The following PATJ variants were observed in gnomAD, a reference collection of about 807,000 sequenced individuals.
PATJ encodes PATJ crumbs cell polarity complex component, also known as inaD-like protein.
In PATJ, 190 loss-of-function variants were observed where a neutral mutation model predicts 224.9. The ratio of observed to expected loss-of-function variants is 0.84; its 90% CI spans 0.75 to 0.95. PATJ has a LOEUF of 0.95. PATJ is among the 40% of genes least tolerant of loss of function. The pLI is 0.00. For synonymous variants in PATJ, 769 were observed against 820.3 expected, an observed-to-expected ratio of 0.94 and a Z score of 1.07; for missense variants, 2,121 against 2,270.3, an observed-to-expected ratio of 0.93 and a Z score of 1.34.
At chr1:62,062,392 C>CTTTTTTTTTT (rs60747316) in intron 31 of PATJ, among the ~76,000 whole-genome samples, 352 of 28,468 alleles carry the variant, frequency 0.012, 9 homozygotes, top group Middle Eastern at 0.05. Flanking sequence ...ATGTTGTCTT[C>CTTTTTTTTTT]TTTTTTTTTT....
chr1:61,980,080 C>A (rs1481834132), intron 27 of PATJ, among the ~76,000 whole-genome samples: 1 of 151,862 alleles, frequency 6.6e-6, no homozygotes, highest in Non-Finnish European at 1.5e-5. Context: ...TTCTCAAATG[C>A]GAAGATGCCA....
intron 8 of PATJ, 128 bp from the exon 9 acceptor site, chr1:61,791,220 T>C (rs1427703480): frequency 1.1e-5 from 6 of 552,584 alleles, no homozygotes; most frequent in Admixed American, 3.2e-5. Context: ...TTGAAGGTCA[T>C]GGGACCATCT....
intron 37 of PATJ, among the ~76,000 whole-genome samples, chr1:62,119,253 C>T (rs1354815391): frequency 1.3e-5 from 2 of 152,098 alleles, no homozygotes; most frequent in African/African-American, 2.4e-5. Flanking sequence ...GGCTGGTAGC[C>T]GACTGTGAAA....
At chr1:61,913,390 T>C (rs375988476) in intron 25 of PATJ, among the ~76,000 whole-genome samples, 1 of 152,208 alleles carries the variant, frequency 6.6e-6, no homozygotes, top group African/African-American at 2.4e-5. Context: ...TAAATTTTTG[T>C]AGAGATGGAG....
At chr1:61,822,429 G>GAAAA (rs11427840) in intron 14 of PATJ, among the ~76,000 whole-genome samples, 6 of 116,596 alleles carry the variant, frequency 5.1e-5, no homozygotes, top group Admixed American at 2.8e-4. Context: ...GACTGTGTCA[G>GAAAA]AAAAAAAAAA....
chr1:61,914,488 G>GA (rs1465665819), intron 25 of PATJ, 99 bp from the exon 26 acceptor site: 50 of 568,516 alleles, frequency 8.8e-5, no homozygotes, highest in Admixed American at 5.0e-4. Flanking sequence ...TGTAATGATT[G>GA]AAAAAAAATT....
chr1:62,046,200 G>A (rs1349167194), intron 30 of PATJ, among the ~76,000 whole-genome samples: 2 of 96,984 alleles, frequency 2.1e-5, no homozygotes, highest in Non-Finnish European at 3.7e-5. Flanking sequence ...AGATGGTGAA[G>A]AAAAAAGAAA....
intron 20 of PATJ, among the ~76,000 whole-genome samples, chr1:61,869,016 C>T (rs1438330620): frequency 6.6e-6 from 1 of 150,524 alleles, no homozygotes; most frequent in Non-Finnish European, 1.5e-5. Context: ...AAAGGGAGGG[C>T]AGAAAAAGCT....
chr1:62,134,097 C>T (rs1666554418), intron 41 of PATJ, among the ~76,000 whole-genome samples: 1 of 151,756 alleles, frequency 6.6e-6, no homozygotes, highest in South Asian at 2.1e-4. Flanking sequence ...GCTGCTAATT[C>T]AGATCCCATG....
chr1:62,128,964 C>T lies in PATJ; in HGVS notation c.5271+19C>T, dbSNP rs767889008. ...CCTGCAGGTATTGCGATCAACGGAG[C>T]ACGCAGCTGTGCAAGGCAGATAAGT... On this transcript the variant is annotated intron_variant, in intron 41 of 43. Coordinates refer to ENST00000642238, the MANE Select transcript of PATJ (RefSeq NM_001350145.3). 3 of 1,523,884 alleles carry T rather than the reference C, an allele frequency of 2.0e-6. No homozygotes were observed. 94.4% of individuals were successfully genotyped at this position (1,523,884 alleles called of 1,614,324 possible).
At chr1:62,049,554 G>A (rs975425412) in intron 30 of PATJ, among the ~76,000 whole-genome samples, 6 of 152,060 alleles carry the variant, frequency 3.9e-5, no homozygotes, top group Non-Finnish European at 8.8e-5. Context: ...GTCCAGGTAA[G>A]TACAATGTGG....
chr1:61,788,731 G>A (rs6680218), intron 8 of PATJ, among the ~76,000 whole-genome samples: 220 of 152,308 alleles, frequency 1.4e-3, no homozygotes, highest in African/African-American at 4.5e-3. Context: ...CTGGAGTGCA[G>A]TGGCACTATC....
intron 30 of PATJ, among the ~76,000 whole-genome samples, chr1:62,042,347 G>A (rs531158259): frequency 3.3e-5 from 5 of 152,204 alleles, no homozygotes; most frequent in East Asian, 1.9e-4. Context: ...TCCTGTGGGC[G>A]GTATGTGAAG....
At chr1:62,017,431 A>T (rs1353893797) in intron 28 of PATJ, among the ~76,000 whole-genome samples, 2 of 145,584 alleles carry the variant, frequency 1.4e-5, no homozygotes, top group Non-Finnish European at 3.0e-5. Context: ...AAAAAAAATC[A>T]GTAGACTTAG....
chr1:61,827,066 G>C (rs1027004533), intron 15 of PATJ, among the ~76,000 whole-genome samples: 15 of 152,178 alleles, frequency 9.9e-5, no homozygotes, highest in Non-Finnish European at 1.8e-4. Flanking sequence ...TTTAAGGGGA[G>C]CTGAGTAGAG....
At chr1:61,785,431 G>A (rs190710117) in intron 7 of PATJ, among the ~76,000 whole-genome samples, 59 of 152,216 alleles carry the variant, frequency 3.9e-4, no homozygotes, top group East Asian at 1.7e-3. Flanking sequence ...AATAGTCTTC[G>A]GTGAGCAACT....
chr1:61,822,933 G>A lies in PATJ; in HGVS notation c.1684-12G>A. On this transcript the variant is annotated splice_polypyrimidine_tract_variant and intron_variant, in intron 14 of 43. Transcript: ENST00000642238. ...TTGTCATGTTTGATCATTGCTTTGT[G>A]TTTTGCTACAGCTGCTGCCTATTCA... The A allele has an allele frequency of 6.2e-7, 1 of 1,613,936 alleles. No homozygotes were observed. Among genetic ancestry groups the A allele is most frequent in the Non-Finnish European group, 8.5e-7 (1 of 1,179,900 alleles).
At position 62,162,347 on chromosome 1, in the gene PATJ, G is replaced by T. The variant is rs78490351; in HGVS notation, c.*1293G>T. ...CTTATGCAAAGTGGGTGACATATTT[G>T]ATTATATTTCCCTTTACCTCCATAG... On this transcript the variant is annotated 3_prime_UTR_variant, in exon 44 of 44. Coordinates refer to ENST00000642238, the MANE Select transcript of PATJ (RefSeq NM_001350145.3). 2 of 152,116 alleles carry T rather than the reference G, an allele frequency of 1.3e-5. No homozygotes were observed. Among genetic ancestry groups the T allele is most frequent in the Non-Finnish European group, 2.9e-5 (2 of 68,048 alleles). The allele number at this position is 152,116 out of a possible 1,614,324, so 9.4% of individuals were successfully genotyped here.
chr1:62,004,795 C>A (rs569065278), intron 28 of PATJ, among the ~76,000 whole-genome samples: 29 of 152,288 alleles, frequency 1.9e-4, no homozygotes, highest in Admixed American at 9.8e-4. Flanking sequence ...AACTGAAAAT[C>A]ACCTTAAATC....
Sources: allele counts gnomAD v4.1 joint callset (sites outside exome capture counted in the v4.1 genomes callset), GRCh38; gene constraint gnomAD v4.1.1; transcripts MANE v1.5; gene names NCBI Gene and HGNC (gene_info 2026-07-23, HGNC 2026-07-21).